KCNB2: variants seen among roughly 807,000 people sequenced by gnomAD.
KCNB2 encodes delayed rectifier potassium channel protein.
Under a neutral mutation model 61.5 loss-of-function variants are expected in KCNB2, and 15 were observed. The observed-to-expected ratio is 0.24, with a 90% confidence interval of 0.16 to 0.38. The LOEUF (loss-of-function observed/expected upper bound fraction) is 0.38, where lower values mean the gene tolerates loss of function less well. Among genes scored for constraint, KCNB2 ranks in the 10% least tolerant of loss-of-function variants. The pLI, the probability that KCNB2 is intolerant of heterozygous loss-of-function variation, is 1.00. For synonymous variants in KCNB2, 457 were observed against 446.0 expected (o/e 1.02, Z -0.31); for missense variants, 828 against 1,125.2 (o/e 0.74, Z 3.78).
At chr8:72,723,158 ATTAG>A (rs1162620349) in intron 2 of KCNB2, among the ~76,000 whole-genome samples, 1 of 152,212 alleles carries the variant, frequency 6.6e-6, no homozygotes, top group Non-Finnish European at 1.5e-5. Context: ...TTATGAAATG[ATTAG>A]TTAATTAAAT....
At chr8:72,737,278 A>G (rs1351132945) in intron 2 of KCNB2, among the ~76,000 whole-genome samples, 1 of 152,202 alleles carries the variant, frequency 6.6e-6, no homozygotes, top group African/African-American at 2.4e-5. Context: ...CCAACTAAGG[A>G]CCATTAGTTG....
intron 2 of KCNB2, among the ~76,000 whole-genome samples, chr8:72,578,199 A>T (rs1249482276): frequency 5.9e-5 from 9 of 152,226 alleles, no homozygotes; most frequent in African/African-American, 1.9e-4. Context: ...TTACTTTGGG[A>T]AACTAGCAGA....
chr8:72,824,764 G>T (rs541504075), intron 2 of KCNB2, among the ~76,000 whole-genome samples: 1 of 152,264 alleles, frequency 6.6e-6, no homozygotes, highest in Non-Finnish European at 1.5e-5. Context: ...CTGCAATGAA[G>T]GAGGGAGCTG....
chr8:72,932,397 A>G (rs1212640565), intron 2 of KCNB2, among the ~76,000 whole-genome samples: 1 of 152,066 alleles, frequency 6.6e-6, no homozygotes, highest in Non-Finnish European at 1.5e-5. Context: ...ACCTAATCTA[A>G]ATGGGTCCAG....
At position 72,836,217 on chromosome 8, in the gene KCNB2, A is replaced by G. The variant is rs938952773; in HGVS notation, c.580-99718A>G. Among the ~76,000 whole-genome samples the G allele has an allele frequency of 2.6e-5, 4 of 152,346 alleles. 1 individual carries two copies. ...CAGAGATGTTACTCAAAGTGTTCCC[A>G]TCACAGCTATAACTTTGGTTTTATT... On this transcript the variant is annotated intron_variant, in intron 2 of 2. Coordinates refer to ENST00000523207, the MANE Select transcript of KCNB2 (RefSeq NM_004770.3).
At chr8:72,565,302 A>C in intron 1 of KCNB2, among the ~76,000 whole-genome samples, 1 of 152,216 alleles carries the variant, frequency 6.6e-6, no homozygotes, top group East Asian at 1.9e-4. Flanking sequence ...TTTCGCCTCC[A>C]GAACAATAAA....
intron 2 of KCNB2, among the ~76,000 whole-genome samples, chr8:72,843,094 A>G (rs1471634825): frequency 6.6e-6 from 1 of 151,782 alleles, no homozygotes; most frequent in Non-Finnish European, 1.5e-5. Flanking sequence ...TTTCCCTCTA[A>G]ACACTGCTTT....
chr8:72,723,981 A>C (rs879622487), intron 2 of KCNB2, among the ~76,000 whole-genome samples: 1 of 152,040 alleles, frequency 6.6e-6, no homozygotes, highest in South Asian at 2.1e-4. Flanking sequence ...TGAGTAACCA[A>C]TTTCTCCCTG....
rs181008759 is a variant in KCNB2 at position 72,915,017 on chromosome 8, G to T, written c.580-20918G>T. On this transcript the variant is annotated intron_variant, in intron 2 of 2. Transcript: ENST00000523207. ...CCTCCTGTGTTGAAGTGATTCTCCT[G>T]CCTCAGCCTCCTGAGTAGCTGGGAT... Among the ~76,000 whole-genome samples, 52 of 151,492 alleles carry T rather than the reference G, an allele frequency of 3.4e-4. 1 individual carries two copies. Among genetic ancestry groups the T allele is most frequent in the Admixed American group, 5.3e-4 (8 of 15,178 alleles).
chr8:72,892,484 T>C (rs913621393), intron 2 of KCNB2, among the ~76,000 whole-genome samples: 24 of 152,190 alleles, frequency 1.6e-4, no homozygotes, highest in African/African-American at 5.3e-4. Flanking sequence ...TCTCAGTTAA[T>C]CCAGGGTAAT....
chr8:72,705,742 A>G (rs758539010), intron 2 of KCNB2, among the ~76,000 whole-genome samples: 2 of 152,216 alleles, frequency 1.3e-5, no homozygotes, highest in East Asian at 3.9e-4. Context: ...GGATCTTAAG[A>G]GACACCAGAG....
At chr8:72,665,828 A>G (rs1444529577) in intron 2 of KCNB2, among the ~76,000 whole-genome samples, 1 of 152,246 alleles carries the variant, frequency 6.6e-6, no homozygotes, top group Non-Finnish European at 1.5e-5. Context: ...CCCAGCCAAA[A>G]CAGACTAGCT....
chr8:72,550,567 C>T (rs977464913), intron 1 of KCNB2, among the ~76,000 whole-genome samples: 1 of 152,100 alleles, frequency 6.6e-6, no homozygotes, highest in Non-Finnish European at 1.5e-5. Context: ...CTGTGGTGTG[C>T]TAAATTGGGG....
At chr8:72,802,564 G>GGT (rs1239611049) in intron 2 of KCNB2, among the ~76,000 whole-genome samples, 15 of 152,068 alleles carry the variant, frequency 9.9e-5, no homozygotes, top group Non-Finnish European at 1.9e-4. Context: ...TATGTGTTTG[G>GGT]CAATGTGCTA....
At chr8:72,667,006 T>TGTGTGTGTGTGTGA (rs141712140) in intron 2 of KCNB2, among the ~76,000 whole-genome samples, 2 of 147,830 alleles carry the variant, frequency 1.4e-5, no homozygotes, top group Admixed American at 6.7e-5. Flanking sequence ...TGTGTGTGTG[T>TGTGTGTGTGTGTGA]GAGAGAGAGA....
Position 72,655,999 on chromosome 8 carries a change from A to G in KCNB2, c.579+87686A>G, listed in dbSNP as rs1806285585. ...TAAGAAAGGTCAAGAAAGGTTTCTT[A>G]GTGGAAGAGACTTTTGAGCCACTCA... On this transcript the variant is annotated intron_variant, in intron 2 of 2. Transcript: ENST00000523207. Among the ~76,000 whole-genome samples, 3 of 152,264 alleles carry G rather than the reference A, an allele frequency of 2.0e-5. No homozygotes were observed. In the South Asian group the frequency reaches 6.2e-4, roughly 32 times the overall value.
At chr8:72,673,857 G>C (rs1806605458) in intron 2 of KCNB2, among the ~76,000 whole-genome samples, 2 of 152,200 alleles carry the variant, frequency 1.3e-5, no homozygotes, top group Non-Finnish European at 2.9e-5. Context: ...AGAAGTTCTG[G>C]AGATGGATGG....
At chr8:72,542,322 C>T (rs1806201612) in intron 1 of KCNB2, among the ~76,000 whole-genome samples, 1 of 152,058 alleles carries the variant, frequency 6.6e-6, no homozygotes, top group South Asian at 2.1e-4. Flanking sequence ...CAGGTTCAAT[C>T]ACATTGTATA....
At chr8:72,845,718 A>G (rs1053878385) in intron 2 of KCNB2, among the ~76,000 whole-genome samples, 7 of 152,202 alleles carry the variant, frequency 4.6e-5, no homozygotes, top group Non-Finnish European at 8.8e-5. Context: ...TCGAACTTCC[A>G]GGCAGCTTTG....
Sources: allele counts gnomAD v4.1 joint callset (sites outside exome capture counted in the v4.1 genomes callset), GRCh38; gene constraint gnomAD v4.1.1; transcripts MANE v1.5; gene names NCBI Gene and HGNC (gene_info 2026-07-23, HGNC 2026-07-21).